Variants in METTL24 observed in about 807,000 individuals in gnomAD.
METTL24 encodes methyltransferase like 24.
In METTL24, 29 loss-of-function variants were observed where a neutral mutation model predicts 32.7. That is an observed-to-expected ratio of 0.89 (90% confidence interval 0.66 to 1.21). METTL24 has a LOEUF of 1.21. METTL24 is among the 50% of genes most tolerant of loss of function. The probability of loss-of-function intolerance (pLI) is 0.00; values close to 1 mark genes in which losing one functional copy is unlikely to be tolerated. For synonymous variants in METTL24, 163 were observed against 179.5 expected, an observed-to-expected ratio of 0.91 and a Z score of 0.73; for missense variants, 439 against 468.1, an observed-to-expected ratio of 0.94 and a Z score of 0.57.
Position 110,358,266 on chromosome 6 carries a change from G to A in METTL24, c.7C>T (p.Arg3Trp), listed in dbSNP as rs1241128583. The stretch of plus-strand genomic sequence containing the variant: ...CAGCCCCTCCCGGGCGGCCTCTCCC[G>A]GGCCATGGCGCTACACTCGGGGTCC... MA[R>W]ERPPGRGCGV... The change falls in exon 1 of 5, where the codon CGG becomes TGG. Residue 3 changes from arginine (R) to tryptophan (W), a missense_variant. Arg to Trp is a moderately radical substitution (Grantham distance 101). Coordinates refer to ENST00000338882, the MANE Select transcript of METTL24 (RefSeq NM_001123364.3). 1.6e-5 allele frequency: 24 copies of A among 1,472,404 alleles called. No individual in the cohort carries two copies. The highest frequency in any genetic ancestry group is 2.0e-5 in the Non-Finnish European group (22 of 1,118,616). The allele number at this position is 1,472,404 out of a possible 1,614,324, so 91.2% of individuals were successfully genotyped here. A position where few individuals can be genotyped will look rare whatever the true frequency, so the allele number is the denominator to read the frequency against.
intron 4 of METTL24, among the ~76,000 whole-genome samples, chr6:110,291,542 A>T (rs7746806): frequency 0.13 from 20,185 of 151,924 alleles, 3,064 homozygotes; most frequent in African/African-American, 0.37. Context: ...GCAGATTTTT[A>T]AAAAAAACTT....
At chr6:110,338,776 T>C (rs1772290209) in intron 1 of METTL24, among the ~76,000 whole-genome samples, 1 of 152,246 alleles carries the variant, frequency 6.6e-6, no homozygotes, top group South Asian at 2.1e-4. Flanking sequence ...TTAGGTTTTG[T>C]CCAAATCATT....
At chr6:110,319,342 T>C (rs1365106375) in intron 2 of METTL24, among the ~76,000 whole-genome samples, 1 of 151,994 alleles carries the variant, frequency 6.6e-6, no homozygotes, top group Non-Finnish European at 1.5e-5. Context: ...ATATTCTGAA[T>C]ATCCAGAGCA....
chr6:110,265,882 C>G (rs1770848853), intron 4 of METTL24, among the ~76,000 whole-genome samples: 1 of 111,836 alleles, frequency 8.9e-6, no homozygotes, highest in Non-Finnish European at 1.9e-5. Context: ...CTCCTTCTTC[C>G]TCTTCCTCCT....
chr6:110,280,749 T>C (rs1049010900), intron 4 of METTL24, among the ~76,000 whole-genome samples: 7 of 152,000 alleles, frequency 4.6e-5, no homozygotes, highest in Non-Finnish European at 2.9e-5. Flanking sequence ...CATTGGCCTC[T>C]TGGGTTCAAG....
intron 4 of METTL24, among the ~76,000 whole-genome samples, chr6:110,266,373 G>A (rs769011315): frequency 4.6e-5 from 7 of 151,958 alleles, no homozygotes; most frequent in Non-Finnish European, 8.8e-5. Context: ...GAAGTGGTTA[G>A]TGGATGTGCG....
intron 4 of METTL24, among the ~76,000 whole-genome samples, chr6:110,284,883 G>C (rs780714975): frequency 6.6e-6 from 1 of 152,034 alleles, no homozygotes; most frequent in Non-Finnish European, 1.5e-5. Flanking sequence ...AATCCAAAAG[G>C]GTAATGTGAA....
chr6:110,307,426 T>C (rs1295845510), intron 3 of METTL24, among the ~76,000 whole-genome samples: 2 of 152,238 alleles, frequency 1.3e-5, no homozygotes, highest in Non-Finnish European at 2.9e-5. Context: ...AAGAAATATT[T>C]TATTTAATGT....
At position 110,323,504 on chromosome 6, in the gene METTL24, A is replaced by C. The variant is rs113095894; in HGVS notation, c.319-632T>G. Among the ~76,000 whole-genome samples, 185 of 152,264 alleles carry C rather than the reference A, an allele frequency of 1.2e-3. 2 individuals are homozygous for C. The highest frequency in any genetic ancestry group is 4.3e-3 in the African/African-American group (178 of 41,564). On this transcript the variant is annotated intron_variant, in intron 1 of 4. Coordinates refer to ENST00000338882, the MANE Select transcript of METTL24 (RefSeq NM_001123364.3). Reference sequence around the variant, plus strand: ...TAGCAGAGGTTACGAGGTGCTCCCAAGAACAGAGTGGTTAAGGATGACCCG... The same window carrying C: ...TAGCAGAGGTTACGAGGTGCTCCCACGAACAGAGTGGTTAAGGATGACCCG...
At chr6:110,351,040 G>A (rs1286931567) in intron 1 of METTL24, among the ~76,000 whole-genome samples, 5 of 152,002 alleles carry the variant, frequency 3.3e-5, no homozygotes, top group Admixed American at 6.6e-5. Context: ...CCCGGGAGGC[G>A]GAGGTTGCAG....
intron 4 of METTL24, among the ~76,000 whole-genome samples, chr6:110,270,735 C>T (rs1365999892): frequency 1.3e-5 from 2 of 152,016 alleles, no homozygotes; most frequent in African/African-American, 4.8e-5. Flanking sequence ...ACTAAGGATC[C>T]TCATACCACT....
At chr6:110,253,801 T>C in intron 4 of METTL24, 1 of 1,075,628 alleles carries the variant, frequency 9.3e-7, no homozygotes, top group Non-Finnish European at 1.2e-6. Context: ...TTATCCTATG[T>C]TTTCAAATCT....
chr6:110,281,423 A>G (rs1771133391), intron 4 of METTL24, among the ~76,000 whole-genome samples: 3 of 151,962 alleles, frequency 2.0e-5, no homozygotes, highest in Non-Finnish European at 4.4e-5. Flanking sequence ...CGGGTGGATC[A>G]TGAGATCAGA....
chr6:110,270,090 G>A (rs1230648914), intron 4 of METTL24, among the ~76,000 whole-genome samples: 1 of 152,176 alleles, frequency 6.6e-6, no homozygotes, highest in Non-Finnish European at 1.5e-5. Flanking sequence ...ACTTCTAACT[G>A]AATCGAAGAG....
chr6:110,305,069 A>C (rs1161912743), intron 3 of METTL24, among the ~76,000 whole-genome samples: 1 of 152,222 alleles, frequency 6.6e-6, no homozygotes, highest in African/African-American at 2.4e-5. Flanking sequence ...AAGCTTCATA[A>C]GTGAAGGAGA....
At chr6:110,252,422 G>A (rs1778298405) in intron 4 of METTL24, among the ~76,000 whole-genome samples, 1 of 152,064 alleles carries the variant, frequency 6.6e-6, no homozygotes, top group African/African-American at 2.4e-5. Context: ...TAGTCTTGTT[G>A]GATTAGGGTC....
chr6:110,320,744 C>T (rs889744524), intron 2 of METTL24, among the ~76,000 whole-genome samples: 1 of 152,172 alleles, frequency 6.6e-6, no homozygotes, highest in African/African-American at 2.4e-5. Context: ...CAGTTCCTGG[C>T]ACCTTGTAGA....
intron 4 of METTL24, among the ~76,000 whole-genome samples, chr6:110,252,008 G>A (rs1181293554): frequency 1.3e-5 from 2 of 152,200 alleles, no homozygotes; most frequent in East Asian, 3.9e-4. Context: ...GCCGGGTGAG[G>A]TGGTACACTC....
chr6:110,348,952 TG>T (rs1772537087), intron 1 of METTL24, among the ~76,000 whole-genome samples: 1 of 152,224 alleles, frequency 6.6e-6, no homozygotes, highest in African/African-American at 2.4e-5. Context: ...AAGATGTAAA[TG>T]GGGTCTTGTT....
Sources: allele counts gnomAD v4.1 joint callset (sites outside exome capture counted in the v4.1 genomes callset), GRCh38; gene constraint gnomAD v4.1.1; transcripts MANE v1.5; gene names NCBI Gene and HGNC (gene_info 2026-07-23, HGNC 2026-07-21).